Variants in CHL1 observed in about 807,000 individuals in gnomAD.
The protein encoded by CHL1 is neural cell adhesion molecule L1-like protein.
CHL1 carries 96 observed loss-of-function variants against 141.9 expected under a neutral mutation model. The ratio of observed to expected loss-of-function variants is 0.68; its 90% CI spans 0.57 to 0.80. CHL1 has a LOEUF of 0.80. Ranked by LOEUF, CHL1 falls within the 30% of genes least tolerant of loss-of-function variation. The probability of loss-of-function intolerance (pLI) is 0.00; values close to 1 mark genes in which losing one functional copy is unlikely to be tolerated. For missense variants in CHL1, 1,820 were observed against 1,457.2 expected (o/e 1.25, Z -4.05); for synonymous variants, 613 against 502.2 (o/e 1.22, Z -2.95).
chr3:386,246 T>C (rs1447211532), intron 19 of CHL1, among the ~76,000 whole-genome samples: 1 of 150,826 alleles, frequency 6.6e-6, no homozygotes, highest in Non-Finnish European at 1.5e-5. Flanking sequence ...CCCAAAAGAA[T>C]TAACAATGAA....
chr3:397,143 A>C (rs1708745341), intron 24 of CHL1, among the ~76,000 whole-genome samples: 1 of 152,130 alleles, frequency 6.6e-6, no homozygotes, highest in Non-Finnish European at 1.5e-5. Context: ...TAGCGGTTTG[A>C]ATAAATCACT....
chr3:332,323 A>G (rs148977962), intron 5 of CHL1, among the ~76,000 whole-genome samples: 218 of 152,340 alleles, frequency 1.4e-3, no homozygotes, highest in Non-Finnish European at 2.4e-3. Context: ...GATTGGTATA[A>G]TTTTATTGTT....
At chr3:300,837 G>A (rs146996922) in intron 2 of CHL1, among the ~76,000 whole-genome samples, 43 of 152,302 alleles carry the variant, frequency 2.8e-4, no homozygotes, top group African/African-American at 9.9e-4. Context: ...AAGTGCAGCT[G>A]TGTTAAGACC....
intron 1 of CHL1, among the ~76,000 whole-genome samples, chr3:235,860 A>T (rs1463313628): frequency 6.6e-6 from 1 of 152,188 alleles, no homozygotes; most frequent in East Asian, 1.9e-4. Flanking sequence ...CAGTAGTGAG[A>T]AAACAAGAGA....
At chr3:367,467 A>G (rs1705048414) in intron 15 of CHL1, among the ~76,000 whole-genome samples, 1 of 152,194 alleles carries the variant, frequency 6.6e-6, no homozygotes. Flanking sequence ...TTTAGTTTTA[A>G]ATCCCATAAC....
At chr3:329,121 G>T (rs574201431) in intron 5 of CHL1, among the ~76,000 whole-genome samples, 1 of 152,090 alleles carries the variant, frequency 6.6e-6, no homozygotes, top group African/African-American at 2.4e-5. Context: ...TATGTGCATG[G>T]GATATCCATG....
At chr3:201,598 T>C (rs1698948247) in intron 1 of CHL1, among the ~76,000 whole-genome samples, 1 of 152,186 alleles carries the variant, frequency 6.6e-6, no homozygotes, top group Admixed American at 6.5e-5. Flanking sequence ...ATTCTCAAAA[T>C]TCATAGTTTG....
intron 9 of CHL1, among the ~76,000 whole-genome samples, chr3:347,040 A>G (rs1286603373): frequency 1.3e-5 from 2 of 152,144 alleles, no homozygotes; most frequent in Non-Finnish European, 2.9e-5. Context: ...TATTCTTGCA[A>G]ATGTTTTTCA....
chr3:242,319 GA>G (rs1484772451), intron 1 of CHL1, among the ~76,000 whole-genome samples: 1 of 119,332 alleles, frequency 8.4e-6, no homozygotes, highest in Non-Finnish European at 1.9e-5. Context: ...GAGACTGGCT[GA>G]GCGCGGTGGC....
chr3:337,320 A>G (rs999129675), intron 5 of CHL1, among the ~76,000 whole-genome samples: 15 of 150,872 alleles, frequency 9.9e-5, no homozygotes, highest in African/African-American at 3.7e-4. Context: ...CCTCCCGAGT[A>G]GCTGGGACCA....
chr3:210,061 T>C (rs1671026992), intron 1 of CHL1, among the ~76,000 whole-genome samples: 1 of 152,232 alleles, frequency 6.6e-6, no homozygotes, highest in Admixed American at 6.5e-5. Context: ...TCAATAGATA[T>C]GTGTTTTGCA....
chr3:204,386 A>G (rs1699226316), intron 1 of CHL1, among the ~76,000 whole-genome samples: 1 of 152,226 alleles, frequency 6.6e-6, no homozygotes, highest in Non-Finnish European at 1.5e-5. Context: ...TCTTTGGAGG[A>G]AGTATCCTTC....
chr3:200,575 A>G (rs1012893607), intron 1 of CHL1, among the ~76,000 whole-genome samples: 3 of 152,198 alleles, frequency 2.0e-5, no homozygotes, highest in Middle Eastern at 3.2e-3. Flanking sequence ...TTTACATACA[A>G]TATGCTAAGT....
intron 13 of CHL1, 75 bp from the exon 14 acceptor site, chr3:363,142 C>G: frequency 8.1e-7 from 1 of 1,230,410 alleles, no homozygotes; most frequent in Non-Finnish European, 1.1e-6. Flanking sequence ...GCCTGAATGA[C>G]GTCACTGACT....
chr3:328,987 A>G (rs1701228846), intron 5 of CHL1, among the ~76,000 whole-genome samples: 1 of 152,178 alleles, frequency 6.6e-6, no homozygotes. Flanking sequence ...AAGGAGAAAC[A>G]GCTATTGGTA....
chr3:349,544 G>C lies in CHL1; in HGVS notation c.1033+1G>C, dbSNP rs138419832. ...CACGATTTTCACGTTATAGTAGAAG[G>C]TACCTTTCCCATGTTGGTCTATTTC... On this transcript the variant is annotated splice_donor_variant, in intron 10 of 27. Transcript: ENST00000256509. LOFTEE classifies it high-confidence loss of function. 6.2e-7 allele frequency: 1 copy of C among 1,609,514 alleles called. No homozygotes were observed. The highest frequency in any genetic ancestry group is 1.3e-5 in the African/African-American group (1 of 74,484).
At chr3:388,612 A>C (rs1185359701) in intron 19 of CHL1, among the ~76,000 whole-genome samples, 1 of 152,204 alleles carries the variant, frequency 6.6e-6, no homozygotes, top group Non-Finnish European at 1.5e-5. Flanking sequence ...CTATGGAGAA[A>C]AATAAAGTGG....
At chr3:401,475 G>A (rs758108950) in intron 26 of CHL1, 151 bp from the exon 27 acceptor site, 3 of 551,146 alleles carry the variant, frequency 5.4e-6, no homozygotes, top group East Asian at 3.4e-5. Flanking sequence ...CTGATGGGCT[G>A]TAGGTATAGC....
intron 6 of CHL1, among the ~76,000 whole-genome samples, chr3:341,363 T>C (rs1702333715): frequency 6.6e-6 from 1 of 152,192 alleles, no homozygotes; most frequent in Non-Finnish European, 1.5e-5. Flanking sequence ...TAGAGAAAAA[T>C]GCTATTTGCA....
Sources: gnomAD v4.1 joint callset for allele counts (sites outside exome capture counted in the v4.1 genomes callset) on GRCh38, gnomAD v4.1.1 for gene constraint, MANE v1.5 for transcripts, NCBI Gene and HGNC (gene_info 2026-07-23, HGNC 2026-07-21) for gene names.